Variants in NFATC1 observed in about 807,000 individuals in gnomAD.
NFATC1 encodes nuclear factor of activated T cells 1, also known as nuclear factor of activated T-cells, cytoplasmic 1.
Under a neutral mutation model 76.0 loss-of-function variants are expected in NFATC1, and 22 were observed. The ratio of observed to expected loss-of-function variants is 0.29; its 90% CI spans 0.21 to 0.41. The LOEUF is 0.41. Ranked by LOEUF, NFATC1 falls within the 10% of genes least tolerant of loss-of-function variation. The probability of loss-of-function intolerance (pLI) is 1.00; values close to 1 mark genes in which losing one functional copy is unlikely to be tolerated. For synonymous variants in NFATC1, 704 were observed against 613.1 expected, an observed-to-expected ratio of 1.15 and a Z score of -2.19; for missense variants, 1,357 against 1,337.7, an observed-to-expected ratio of 1.01 and a Z score of -0.23.
intron 9 of NFATC1, among the ~76,000 whole-genome samples, chr18:79,489,705 A>G (rs368795): frequency 0.63 from 95,359 of 152,020 alleles, 29,945 homozygotes; most frequent in Middle Eastern, 0.67. Context: ...CCAGCCCACC[A>G]ACCACAGTCA....
intron 8 of NFATC1, among the ~76,000 whole-genome samples, chr18:79,471,666 C>T (rs538394916): frequency 6.6e-6 from 1 of 152,332 alleles, no homozygotes; most frequent in Admixed American, 6.5e-5. Flanking sequence ...TGGCCAGAGC[C>T]CCCTTCCTCA....
At chr18:79,473,367 T>G (rs2144968601) in intron 8 of NFATC1, among the ~76,000 whole-genome samples, 1 of 152,398 alleles carries the variant, frequency 6.6e-6, no homozygotes, top group Non-Finnish European at 1.5e-5. Context: ...GAGAAGCGTG[T>G]TCTCACGCTT....
In NFATC1 at chr18:79,474,377, C is replaced by T. The variant is rs1404685138; in HGVS notation, c.2092+6795C>T. Among the ~76,000 whole-genome samples, 4 of 145,548 alleles carry T rather than the reference C, an allele frequency of 2.7e-5. No homozygotes were observed. The Admixed American group carries it at 2.8e-4, about 10-fold the overall frequency. ...AACCTGAGGGAAGCGTGTTCTCACG[C>T]TCACCGTCGACGTAAACCTGAGGGA... On this transcript the variant is annotated intron_variant, in intron 8 of 9. Coordinates refer to ENST00000427363, the MANE Select transcript of NFATC1 (RefSeq NM_001278669.2).
At chr18:79,442,087 C>T (rs540704757) in intron 3 of NFATC1, among the ~76,000 whole-genome samples, 5 of 152,252 alleles carry the variant, frequency 3.3e-5, no homozygotes, top group South Asian at 2.1e-4. Flanking sequence ...GTGGGAAGCG[C>T]GCTGGTGGGG....
At chr18:79,455,809 C>CCCACGGCCGCCCCATT (rs2087693988) in intron 6 of NFATC1, among the ~76,000 whole-genome samples, 2 of 134,442 alleles carry the variant, frequency 1.5e-5, no homozygotes, top group Admixed American at 7.5e-5. Flanking sequence ...GCCGCCCCAT[C>CCCACGGCCGCCCCATT]CTCTGGCCCT....
chr18:79,507,927 C>T lies in NFATC1; in HGVS notation c.2783-19601C>T, dbSNP rs544905912. On this transcript the variant is annotated intron_variant, in intron 9 of 9. Transcript: ENST00000427363. ...GGGCCGTCGCTCTGGCCGGGCTCCC[C>T]GCAGCCGCAGTCGCCGCGTCAGGCG... 1.5e-4 allele frequency among the ~76,000 whole-genome samples: 23 copies of T among 152,354 alleles called. No homozygotes were observed. In the South Asian group the frequency reaches 3.9e-3, roughly 26 times the overall value.
At chr18:79,459,247 G>A (rs575025445) in intron 6 of NFATC1, among the ~76,000 whole-genome samples, 4 of 152,360 alleles carry the variant, frequency 2.6e-5, no homozygotes, top group South Asian at 2.1e-4. Flanking sequence ...CCACGCAGAC[G>A]TGGCTCCCCT....
chr18:79,484,087 G>A (rs112040907), intron 8 of NFATC1, among the ~76,000 whole-genome samples: 100 of 151,742 alleles, frequency 6.6e-4, no homozygotes, highest in African/African-American at 2.3e-3. Flanking sequence ...GTGTGACCTC[G>A]GCGGCACTTG....
At position 79,433,750 on chromosome 18, in the gene NFATC1, G is replaced by A. The variant is rs189802204; in HGVS notation, c.1386+12G>A. On this transcript the variant is annotated intron_variant, in intron 3 of 9. Coordinates refer to ENST00000427363, the MANE Select transcript of NFATC1 (RefSeq NM_001278669.2). ...ACCCCATCGTGCAGGTAGGCACTGCGGCCAGACTCGCACGTCACTTGGTGC... is the reference window on the plus strand; with the variant it reads ...ACCCCATCGTGCAGGTAGGCACTGCAGCCAGACTCGCACGTCACTTGGTGC... The A allele has an allele frequency of 1.0e-5, 16 of 1,605,450 alleles. No homozygotes were observed. The highest frequency in any genetic ancestry group is 4.5e-5 in the East Asian group (2 of 44,644).
chr18:79,456,606 C>T (rs1047141039), intron 6 of NFATC1, among the ~76,000 whole-genome samples: 1 of 151,356 alleles, frequency 6.6e-6, no homozygotes, highest in African/African-American at 2.5e-5. Context: ...GGGTCAGGGC[C>T]CCTGTAAGGC....
At chr18:79,477,402 C>T (rs929072229) in intron 8 of NFATC1, among the ~76,000 whole-genome samples, 2 of 152,224 alleles carry the variant, frequency 1.3e-5, no homozygotes, top group African/African-American at 4.8e-5. Flanking sequence ...TGGGATCATT[C>T]TTTGCTGTGC....
rs779196017 is a variant in NFATC1 at position 79,448,958 on chromosome 18, C to T, written c.1563C>T (p.Leu521=). ...LSNTKVLEIP[L]LPENSMRAVI... is the part of the protein sequence containing the mutation. ...ACACCAAAGTCCTGGAGATCCCACT[C>T]CTGCCGGAGAACAGCATGCGAGCCG... is the stretch of plus-strand genomic sequence containing the variant. The change falls in exon 4 of 10, where the codon CTC becomes CTT. Residue 521 remains leucine (L), a synonymous_variant. Transcript: ENST00000427363. 1.2e-6 allele frequency: 2 copies of T among 1,613,368 alleles called. No homozygotes were observed. The highest frequency in any genetic ancestry group is 1.7e-6 in the Non-Finnish European group (2 of 1,180,004).
intron 9 of NFATC1, among the ~76,000 whole-genome samples, chr18:79,487,476 A>G (rs1216562495): frequency 6.6e-6 from 1 of 152,184 alleles, no homozygotes; most frequent in Non-Finnish European, 1.5e-5. Flanking sequence ...CGGGGGCCCT[A>G]GACTGTGCCT....
At chr18:79,417,041 G>A (rs1260572816) in intron 2 of NFATC1, among the ~76,000 whole-genome samples, 1 of 152,234 alleles carries the variant, frequency 6.6e-6, no homozygotes, top group Non-Finnish European at 1.5e-5. Flanking sequence ...GGCTGAGCAG[G>A]CCAGCAGGTG....
intron 3 of NFATC1, among the ~76,000 whole-genome samples, chr18:79,438,180 C>T (rs1470476560): frequency 2.6e-5 from 4 of 152,212 alleles, no homozygotes; most frequent in East Asian, 3.9e-4. Flanking sequence ...CTTTCCTCCT[C>T]TCTGTTTCTG....
intron 3 of NFATC1, among the ~76,000 whole-genome samples, chr18:79,442,854 C>G (rs2087037229): frequency 6.6e-6 from 1 of 151,926 alleles, no homozygotes; most frequent in Non-Finnish European, 1.5e-5. Flanking sequence ...AGACAGCTCC[C>G]CACTCCCACC....
intron 2 of NFATC1, among the ~76,000 whole-genome samples, chr18:79,425,686 G>A (rs904110905): frequency 4.6e-5 from 7 of 152,370 alleles, no homozygotes; most frequent in African/African-American, 1.4e-4. Flanking sequence ...GACTCATGAG[G>A]AGAGTGTTTT....
intron 2 of NFATC1, among the ~76,000 whole-genome samples, chr18:79,419,577 C>G (rs1167981962): frequency 6.6e-6 from 1 of 152,164 alleles, no homozygotes; most frequent in Admixed American, 6.5e-5. Context: ...CAGAACCTGC[C>G]TGGTTAGCTC....
intron 2 of NFATC1, among the ~76,000 whole-genome samples, chr18:79,413,483 T>C (rs1392826174): frequency 1.3e-5 from 2 of 152,200 alleles, no homozygotes; most frequent in Admixed American, 1.3e-4. Context: ...CCACCGTGCA[T>C]GTCTGTGTCC....
Sources: gnomAD v4.1 joint callset for allele counts (sites outside exome capture counted in the v4.1 genomes callset) on GRCh38, gnomAD v4.1.1 for gene constraint, MANE v1.5 for transcripts, NCBI Gene and HGNC (gene_info 2026-07-23, HGNC 2026-07-21) for gene names.